The following TTC23L variants were observed in gnomAD, a reference collection of about 807,000 sequenced individuals.
TTC23L encodes tetratricopeptide repeat domain 23 like.
Under a neutral mutation model 48.1 loss-of-function variants are expected in TTC23L, and 42 were observed. The ratio of observed to expected loss-of-function variants is 0.87; its 90% CI spans 0.68 to 1.13. The LOEUF is 1.13. TTC23L is among the 50% of genes most tolerant of loss of function. The probability of loss-of-function intolerance (pLI) is 0.00; values close to 1 mark genes in which losing one functional copy is unlikely to be tolerated. For missense variants in TTC23L, 391 were observed against 421.0 expected, an observed-to-expected ratio of 0.93 and a Z score of 0.62; for synonymous variants, 159 against 157.2, an observed-to-expected ratio of 1.01 and a Z score of -0.09.
the TTC23L span, chr5:34,918,237 C>A: frequency 1.9e-6 from 1 of 528,194 alleles, no homozygotes; most frequent in Non-Finnish European, 3.4e-6. Context: ...CTTACTTGAG[C>A]CCAGGAACTT....
chr5:34,853,011 T>C (rs1759805681), intron 4 of TTC23L, among the ~76,000 whole-genome samples: 1 of 152,138 alleles, frequency 6.6e-6, no homozygotes, highest in Non-Finnish European at 1.5e-5. Context: ...GTGATTGAAT[T>C]ACCTCCCACT....
chr5:34,896,856 G>GGGCAGT, exon 10 of TTC23L: 1 of 726,858 alleles, frequency 1.4e-6, no homozygotes, highest in Admixed American at 2.0e-5. Context: ...GCATGACAGA[G>GGGCAGT]GGCAGTGTAT....
intron 10 of TTC23L, among the ~76,000 whole-genome samples, chr5:34,897,412 T>TAAAAAAAAAAAAAAAAAA (rs200445158): frequency 6.6e-6 from 1 of 151,500 alleles, no homozygotes; most frequent in Non-Finnish European, 1.5e-5. Context: ...AATTAAACAT[T>TAAAAAAAAAAAAAAAAAA]AAAAAAAATA....
chr5:34,913,583 GAA>G, the TTC23L span: 60 of 1,532,216 alleles, frequency 3.9e-5, 1 homozygote, highest in South Asian at 3.0e-4. Flanking sequence ...TCCAGCCTAT[GAA>G]AAGAGTAAAA....
chr5:34,865,110 T>G (rs1760956540), intron 6 of TTC23L, among the ~76,000 whole-genome samples: 1 of 152,230 alleles, frequency 6.6e-6, no homozygotes, highest in Non-Finnish European at 1.5e-5. Flanking sequence ...GATTTAACTG[T>G]CTTGCTGTTG....
At chr5:34,913,751 C>T in the TTC23L span, 3 of 580,706 alleles carry the variant, frequency 5.2e-6, no homozygotes, top group Non-Finnish European at 9.3e-6. Flanking sequence ...GCATCCTTAT[C>T]TCCATTCCTG....
chr5:34,884,472 T>C (rs550442076), intron 9 of TTC23L, among the ~76,000 whole-genome samples: 3 of 152,170 alleles, frequency 2.0e-5, no homozygotes, highest in Admixed American at 6.6e-5. Context: ...AGTAGAATTA[T>C]TTCTGTTTGC....
chr5:34,840,921 G>A (rs187229676), intron 2 of TTC23L, among the ~76,000 whole-genome samples, 182 bp downstream of exon 2: 1 of 152,134 alleles, frequency 6.6e-6, no homozygotes, highest in African/African-American at 2.4e-5. Context: ...AGTGGCACGC[G>A]ACTGTAATCC....
At chr5:34,888,178 G>C (rs1762649780) in intron 9 of TTC23L, among the ~76,000 whole-genome samples, 1 of 152,096 alleles carries the variant, frequency 6.6e-6, no homozygotes. Flanking sequence ...AATGAATCAG[G>C]AAGTGGGCCC....
rs1761833395 is a variant in TTC23L at position 34,876,420 on chromosome 5, G to A, written c.950-3761G>A. ...ATTACCATTATGAGAAATGAAACAG[G>A]AGACATCACTACAGATCCAATGGAC... On this transcript the variant is annotated intron_variant, in intron 8 of 10. Coordinates refer to ENST00000505624, the Ensembl canonical transcript of TTC23L. Among the ~76,000 whole-genome samples the A allele has an allele frequency of 2.0e-5, 3 of 150,032 alleles. No homozygotes were observed. In the South Asian group the frequency reaches 6.2e-4, roughly 31 times the overall value.
chr5:34,914,835 T>C, the TTC23L span: 1 of 1,614,228 alleles, frequency 6.2e-7, no homozygotes, highest in Non-Finnish European at 8.5e-7. Context: ...TTGTCAAGGC[T>C]GGCCACAAGG....
intron 8 of TTC23L, among the ~76,000 whole-genome samples, chr5:34,872,794 G>T (rs1761556805): frequency 6.6e-6 from 1 of 152,184 alleles, no homozygotes; most frequent in Non-Finnish European, 1.5e-5. Context: ...TGGGCGGAGT[G>T]GCTCACGCCT....
chr5:34,920,491 G>C, the TTC23L span: 1 of 152,016 alleles, frequency 6.6e-6, no homozygotes, highest in African/African-American at 2.4e-5. Flanking sequence ...AACCTCTGCT[G>C]TAATACCACA....
chr5:34,883,975 C>T (rs1762397042), intron 9 of TTC23L, among the ~76,000 whole-genome samples: 2 of 152,102 alleles, frequency 1.3e-5, no homozygotes, highest in Admixed American at 6.6e-5. Flanking sequence ...AGGTCAATAT[C>T]CCTGAATGCA....
At chr5:34,901,302 T>C (rs930426014), downstream of TTC23L, among the ~76,000 whole-genome samples, 1 of 152,212 alleles carries the variant, frequency 6.6e-6, no homozygotes, top group African/African-American at 2.4e-5. Flanking sequence ...CCCATGTTGT[T>C]CAAGGGTCAA....
intron 9 of TTC23L, 42 bp downstream of exon 9, chr5:34,880,350 A>G: frequency 6.4e-7 from 1 of 1,566,888 alleles, no homozygotes. Flanking sequence ...TAGTTTGTTT[A>G]TTAGATCACA....
intron 9 of TTC23L, among the ~76,000 whole-genome samples, chr5:34,880,821 T>A (rs776158223): frequency 1.6e-4 from 25 of 152,134 alleles, no homozygotes; most frequent in Admixed American, 7.2e-4. Context: ...GTATTTTTAG[T>A]AGAGATGGGG....
At chr5:34,908,657 GCTT>G in the TTC23L span, 1 of 1,019,622 alleles carries the variant, frequency 9.8e-7, no homozygotes, top group African/African-American at 1.6e-5. Flanking sequence ...TCCCCATTGT[GCTT>G]CTTCTCTATA....
At chr5:34,892,839 G>T (rs928497571) in intron 9 of TTC23L, among the ~76,000 whole-genome samples, 1 of 152,176 alleles carries the variant, frequency 6.6e-6, no homozygotes, top group Admixed American at 6.5e-5. Flanking sequence ...GGACGTGCTG[G>T]ACATGAGTTT....
Sources: gnomAD v4.1 joint callset for allele counts (sites outside exome capture counted in the v4.1 genomes callset) on GRCh38, gnomAD v4.1.1 for gene constraint, MANE v1.5 for transcripts, NCBI Gene and HGNC (gene_info 2026-07-23, HGNC 2026-07-21) for gene names.